Variants in OPN5 observed in about 807,000 individuals in gnomAD.
OPN5 encodes the protein opsin 5.
In OPN5, 18 loss-of-function variants were observed where a neutral mutation model predicts 41.7. That is an observed-to-expected ratio of 0.43 (90% CI 0.30 to 0.64). The LOEUF (loss-of-function observed/expected upper bound fraction) is 0.64, where lower values mean the gene tolerates loss of function less well. OPN5 is among the 30% of genes least tolerant of loss of function. The probability of loss-of-function intolerance (pLI) is 0.13; values close to 1 mark genes in which losing one functional copy is unlikely to be tolerated. For missense variants in OPN5, 318 were observed against 434.5 expected (o/e 0.73, Z 2.38); for synonymous variants, 178 against 164.3 (o/e 1.08, Z -0.64).
chr6:47,783,016 T>C (rs771020479), intron 1 of OPN5, among the ~76,000 whole-genome samples: 1 of 151,978 alleles, frequency 6.6e-6, no homozygotes, highest in Non-Finnish European at 1.5e-5. Context: ...AAATAAAATA[T>C]ATTATTAAAA....
chr6:47,801,366 C>T (rs1351308616), intron 4 of OPN5, among the ~76,000 whole-genome samples: 2 of 152,236 alleles, frequency 1.3e-5, no homozygotes, highest in East Asian at 3.8e-4. Flanking sequence ...CATTTTGCTT[C>T]ACTTTGCTCT....
At chr6:47,821,731 A>G (rs1294570800) in intron 6 of OPN5, among the ~76,000 whole-genome samples, 1 of 152,088 alleles carries the variant, frequency 6.6e-6, no homozygotes, top group Non-Finnish European at 1.5e-5. Flanking sequence ...GTTTCATGGG[A>G]TGCTTGGTTA....
chr6:47,826,307 G>A (rs921285515), downstream of OPN5: 1 of 152,140 alleles, frequency 6.6e-6, no homozygotes, highest in African/African-American at 2.4e-5. Context: ...GTGAGAACAA[G>A]ATTTCCCAAA....
intron 3 of OPN5, among the ~76,000 whole-genome samples, chr6:47,792,761 T>C (rs1470908572): frequency 6.6e-6 from 1 of 152,184 alleles, no homozygotes; most frequent in Non-Finnish European, 1.5e-5. Flanking sequence ...GCTTTGATTG[T>C]CAATCTGTCA....
intron 4 of OPN5, among the ~76,000 whole-genome samples, chr6:47,795,778 T>TCA (rs57933636): frequency 0.016 from 2,234 of 142,836 alleles, 34 homozygotes; most frequent in African/African-American, 0.048. Context: ...TCTCTCTCTC[T>TCA]CACACACACA....
chr6:47,815,706 C>T (rs767147815), intron 6 of OPN5, among the ~76,000 whole-genome samples: 2 of 152,048 alleles, frequency 1.3e-5, no homozygotes, highest in Non-Finnish European at 2.9e-5. Context: ...TAAGAAAACA[C>T]ATTTAAGGGC....
At chr6:47,790,218 A>C (rs1399146041) in intron 2 of OPN5, among the ~76,000 whole-genome samples, 1 of 152,240 alleles carries the variant, frequency 6.6e-6, no homozygotes, top group African/African-American at 2.4e-5. Context: ...ATTCCTAAAC[A>C]ATTTTTTTAA....
At chr6:47,786,390 T>A (rs1773192472) in intron 1 of OPN5, 125 bp from the exon 2 acceptor site, 2 of 688,360 alleles carry the variant, frequency 2.9e-6, no homozygotes, top group Non-Finnish European at 4.9e-6. Context: ...TAGATTTTTT[T>A]ATTTAGAGTC....
At chr6:47,806,793 G>C (rs900267442) in intron 4 of OPN5, among the ~76,000 whole-genome samples, 1 of 152,090 alleles carries the variant, frequency 6.6e-6, no homozygotes, top group Non-Finnish European at 1.5e-5. Flanking sequence ...TCACATTCCT[G>C]TCTATGCCTT....
At chr6:47,801,375 C>G (rs377766764) in intron 4 of OPN5, among the ~76,000 whole-genome samples, 4 of 152,182 alleles carry the variant, frequency 2.6e-5, no homozygotes, top group African/African-American at 7.2e-5. Flanking sequence ...TCACTTTGCT[C>G]TTTTACATTG....
intron 6 of OPN5, among the ~76,000 whole-genome samples, chr6:47,819,354 A>ATATATATATATATAT (rs1389298718): frequency 0.023 from 1,361 of 58,978 alleles, 255 homozygotes; most frequent in African/African-American, 0.058. Context: ...TATATATATA[A>ATATATATATATATAT]AAAATATATT....
At chr6:47,807,921 A>G (rs1371364033) in intron 4 of OPN5, among the ~76,000 whole-genome samples, 2 of 150,920 alleles carry the variant, frequency 1.3e-5, no homozygotes, top group Non-Finnish European at 2.9e-5. Context: ...TTCAAATTCT[A>G]GAGTGGATAC....
At chr6:47,786,089 C>A (rs761470920) in intron 1 of OPN5, among the ~76,000 whole-genome samples, 3 of 152,224 alleles carry the variant, frequency 2.0e-5, no homozygotes, top group Non-Finnish European at 4.4e-5. Flanking sequence ...ATACTGAAGG[C>A]ACCTTCTTTG....
intron 2 of OPN5, 149 bp downstream of exon 2, chr6:47,786,783 G>T (rs1773206696): frequency 1.0e-5 from 7 of 694,660 alleles, no homozygotes; most frequent in African/African-American, 1.8e-5. Context: ...GAGTTTTGTG[G>T]TAAGTCAATG....
At chr6:47,815,415 G>A (rs1399745594) in intron 6 of OPN5, among the ~76,000 whole-genome samples, 1 of 152,130 alleles carries the variant, frequency 6.6e-6, no homozygotes, top group East Asian at 1.9e-4. Context: ...GAGGGAAAGA[G>A]GAAGAGTCAG....
exon 4 of OPN5, chr6:47,795,412 A>G (rs777040945): frequency 4.3e-6 from 7 of 1,613,938 alleles, no homozygotes; most frequent in South Asian, 2.2e-5. Flanking sequence ...TTCATCCTGA[A>G]CATCCTCTTC....
At chr6:47,782,936 A>C (rs1773120648) in intron 1 of OPN5, among the ~76,000 whole-genome samples, 1 of 152,208 alleles carries the variant, frequency 6.6e-6, no homozygotes, top group Non-Finnish European at 1.5e-5. Context: ...AAGTGGTATA[A>C]AATATCTCAT....
downstream of OPN5, chr6:47,826,066 G>A (rs941369688): frequency 1.3e-5 from 2 of 151,356 alleles, no homozygotes; most frequent in African/African-American, 4.9e-5. Flanking sequence ...TTTCTGGTTT[G>A]TTTAATATCT....
At chr6:47,821,272 G>A (rs1172701386) in intron 6 of OPN5, among the ~76,000 whole-genome samples, 1 of 152,234 alleles carries the variant, frequency 6.6e-6, no homozygotes, top group East Asian at 1.9e-4. Flanking sequence ...GTCAACTGTA[G>A]ATAGTCTCAC....
Sources: gnomAD v4.1 joint callset for allele counts (sites outside exome capture counted in the v4.1 genomes callset) on GRCh38, gnomAD v4.1.1 for gene constraint, MANE v1.5 for transcripts, NCBI Gene and HGNC (gene_info 2026-07-23, HGNC 2026-07-21) for gene names.